TIPIN: variants seen among roughly 807,000 people sequenced by gnomAD.
The protein encoded by TIPIN is TIMELESS-interacting protein.
TIPIN carries 29 observed loss-of-function variants against 35.6 expected under a neutral mutation model. The observed-to-expected ratio is 0.82, with a 90% CI of 0.61 to 1.11. TIPIN has a LOEUF of 1.11. TIPIN is among the 50% of genes most tolerant of loss of function. The probability of loss-of-function intolerance (pLI) is 0.00; values close to 1 mark genes in which losing one functional copy is unlikely to be tolerated. For synonymous variants in TIPIN, 102 were observed against 121.5 expected (o/e 0.84, Z 1.06); for missense variants, 296 against 345.4 (o/e 0.86, Z 1.13).
At chr15:66,376,604 AT>A (rs2093297837) in intron 1 of TIPIN, among the ~76,000 whole-genome samples, 1 of 150,792 alleles carries the variant, frequency 6.6e-6, no homozygotes, top group Non-Finnish European at 1.5e-5. Flanking sequence ...AATTTTTTGT[AT>A]TTTTAGTAGA....
intron 1 of TIPIN, among the ~76,000 whole-genome samples, chr15:66,366,292 A>G (rs1378613579): frequency 6.6e-6 from 1 of 151,786 alleles, no homozygotes; most frequent in Non-Finnish European, 1.5e-5. Context: ...TGTCTCTACT[A>G]AAAATGCAAA....
At chr15:66,366,706 G>T in intron 1 of TIPIN, 1 of 518,604 alleles carries the variant, frequency 1.9e-6, no homozygotes, top group Non-Finnish European at 2.5e-6. Flanking sequence ...GGCGGAGGTT[G>T]CAGTCAGCTG....
intron 1 of TIPIN, chr15:66,379,379 G>A: frequency 1.9e-6 from 3 of 1,598,864 alleles, no homozygotes; most frequent in Non-Finnish European, 2.5e-6. Flanking sequence ...CAGAGACATA[G>A]ATACCATTCA....
Position 66,352,902 on chromosome 15 carries a change from CA to C in TIPIN, c.45del (p.Tyr15Ter). 6 of 1,614,074 alleles carry C rather than the reference CA, an allele frequency of 3.7e-6. No homozygotes were observed. The highest frequency in any genetic ancestry group is 5.1e-6 in the Non-Finnish European group (6 of 1,179,994). On this transcript the variant is annotated frameshift_variant, in exon 2 of 8. Coordinates refer to ENST00000261881, the MANE Select transcript of TIPIN (RefSeq NM_017858.3). LOFTEE classifies it high-confidence loss of function. ...GGAAAAGTTTCATCTTCTACATGCT[CA>C]TAATCTGGTAGGTCAATCACGCCAT... ...QENGVIDLPD[Y>X]EHVEDETFPP...
intron 6 of TIPIN, among the ~76,000 whole-genome samples, chr15:66,345,771 A>G (rs1478404296): frequency 2.0e-5 from 3 of 152,320 alleles, no homozygotes; most frequent in African/African-American, 7.2e-5. Flanking sequence ...TTAATCAACA[A>G]ATAAAATGGT....
chr15:66,375,587 C>T (rs1211774375), intron 1 of TIPIN, among the ~76,000 whole-genome samples: 1 of 148,098 alleles, frequency 6.8e-6, no homozygotes, highest in African/African-American at 2.5e-5. Flanking sequence ...ACCTGTAATC[C>T]CAACACTTTG....
chr15:66,353,088 G>T, intron 1 of TIPIN, 133 bp from the exon 2 acceptor site: 1 of 801,382 alleles, frequency 1.2e-6, no homozygotes, highest in East Asian at 2.7e-5. Flanking sequence ...ATGAAAAGTA[G>T]AGAAGATACT....
chr15:66,349,000 C>A (rs758125743), intron 6 of TIPIN, 60 bp downstream of exon 6: 108 of 1,372,788 alleles, frequency 7.9e-5, no homozygotes, highest in Non-Finnish European at 1.1e-4. Flanking sequence ...CCACCACACC[C>A]TGCCTAGATC....
intron 6 of TIPIN, 123 bp downstream of exon 6, chr15:66,348,937 T>G (rs1288374075): frequency 1.4e-6 from 1 of 730,314 alleles, no homozygotes; most frequent in Non-Finnish European, 2.3e-6. Flanking sequence ...AGAGCAAGAT[T>G]CTGTCCCTAA....
chr15:66,385,079 A>G (rs1445650131), intron 1 of TIPIN, among the ~76,000 whole-genome samples: 1 of 152,342 alleles, frequency 6.6e-6, no homozygotes, highest in East Asian at 1.9e-4. Context: ...CATGCTTAAT[A>G]TATTTAGTGA....
chr15:66,355,490 C>T (rs1395700797), intron 1 of TIPIN, among the ~76,000 whole-genome samples: 1 of 151,734 alleles, frequency 6.6e-6, no homozygotes, highest in African/African-American at 2.4e-5. Context: ...TGGCTCACGC[C>T]GGTAATCCCA....
intron 6 of TIPIN, among the ~76,000 whole-genome samples, chr15:66,346,598 C>G (rs2093127636): frequency 6.6e-6 from 1 of 152,042 alleles, no homozygotes; most frequent in Non-Finnish European, 1.5e-5. Context: ...TGTATTTGCC[C>G]ACAAAGGGGC....
chr15:66,353,400 G>A (rs1219754980), intron 1 of TIPIN, among the ~76,000 whole-genome samples: 1 of 151,928 alleles, frequency 6.6e-6, no homozygotes, highest in East Asian at 1.9e-4. Flanking sequence ...GGCGGATCAC[G>A]AGGTCAGGAG....
At position 66,346,828 on chromosome 15, in the gene TIPIN, G is replaced by A. The variant is rs928634798; in HGVS notation, c.475+2232C>T. On this transcript the variant is annotated intron_variant, in intron 6 of 7. Coordinates refer to ENST00000261881, the MANE Select transcript of TIPIN (RefSeq NM_017858.3). Reference sequence around the variant, plus strand: ...TTTTTTTTTGAGACGGAGTCTTGCTGTCGCCCAGGCTGGAGTGCAGTGGCG... The same window carrying A: ...TTTTTTTTTGAGACGGAGTCTTGCTATCGCCCAGGCTGGAGTGCAGTGGCG... Among the ~76,000 whole-genome samples, 5 of 150,818 alleles carry A rather than the reference G, an allele frequency of 3.3e-5. No homozygotes were observed. The East Asian group carries it at 9.7e-4, about 29-fold the overall frequency.
At chr15:66,369,300 TATAA>T (rs772930696) in intron 1 of TIPIN, among the ~76,000 whole-genome samples, 9 of 151,384 alleles carry the variant, frequency 5.9e-5, no homozygotes, top group Non-Finnish European at 1.2e-4. Flanking sequence ...CCTGGGAGTA[TATAA>T]ATAAAGTACA....
intron 1 of TIPIN, 59 bp downstream of exon 1, chr15:66,356,580 G>A (rs539641191): frequency 1.0e-6 from 1 of 981,334 alleles, no homozygotes; most frequent in Non-Finnish European, 1.2e-6. Flanking sequence ...CTGGCTCCCT[G>A]GCTAGTCCGA....
chr15:66,385,615 A>G (rs1011553808), intron 1 of TIPIN, among the ~76,000 whole-genome samples: 2 of 151,260 alleles, frequency 1.3e-5, no homozygotes. Flanking sequence ...CAGCCCCCCA[A>G]GTAGTTGGGA....
chr15:66,373,851 T>A (rs551453625), intron 1 of TIPIN, among the ~76,000 whole-genome samples: 22 of 152,198 alleles, frequency 1.4e-4, no homozygotes, highest in African/African-American at 4.6e-4. Flanking sequence ...CACAGGCATG[T>A]ACCATTACAC....
intron 4 of TIPIN, 57 bp downstream of exon 4, chr15:66,351,468 C>A: frequency 7.9e-7 from 1 of 1,268,926 alleles, no homozygotes; most frequent in South Asian, 1.2e-5. Context: ...CATAATGGGT[C>A]CACATTTTTA....
Sources: allele counts gnomAD v4.1 joint callset (sites outside exome capture counted in the v4.1 genomes callset), GRCh38; gene constraint gnomAD v4.1.1; transcripts MANE v1.5; gene names NCBI Gene and HGNC (gene_info 2026-07-23, HGNC 2026-07-21).